DOCK9: variants seen among roughly 807,000 people sequenced by gnomAD.
DOCK9 encodes the protein dedicator of cytokinesis 9, also known as dedicator of cytokinesis protein 9.
Under a neutral mutation model 263.3 loss-of-function variants are expected in DOCK9, and 89 were observed. That is an observed-to-expected ratio of 0.34 (90% CI 0.28 to 0.40). DOCK9 has a LOEUF of 0.40. DOCK9 is among the 10% of genes least tolerant of loss of function. The pLI is 1.00. For synonymous variants in DOCK9, 976 were observed against 973.1 expected (o/e 1.00, Z -0.06); for missense variants, 2,140 against 2,603.4 (o/e 0.82, Z 3.87).
chr13:99,077,312 T>C (rs529193511), intron 1 of DOCK9, among the ~76,000 whole-genome samples: 17 of 152,164 alleles, frequency 1.1e-4, no homozygotes, highest in African/African-American at 2.7e-4. Context: ...GACTGAATCA[T>C]GGGGGCAGAC....
chr13:98,991,383 T>G (rs1879770271), intron 1 of DOCK9, among the ~76,000 whole-genome samples: 1 of 152,092 alleles, frequency 6.6e-6, no homozygotes, highest in Non-Finnish European at 1.5e-5. Flanking sequence ...AACAAGTAAT[T>G]TCAATAACAA....
At chr13:98,922,216 C>A in intron 5 of DOCK9, 70 bp from the exon 6 acceptor site, 1 of 1,181,522 alleles carries the variant, frequency 8.5e-7, no homozygotes, top group South Asian at 1.3e-5. Flanking sequence ...TGAGTTTGGT[C>A]AATGGGAAGG....
At chr13:98,976,905 T>A (rs2060329920) in intron 1 of DOCK9, among the ~76,000 whole-genome samples, 1 of 150,752 alleles carries the variant, frequency 6.6e-6, no homozygotes, top group African/African-American at 2.4e-5. Context: ...AGCAAACACT[T>A]CATGGTAACA....
Position 98,887,901 on chromosome 13 carries a change from T to A in DOCK9, c.2043+257A>T, listed in dbSNP as rs555782619. ...ACTTGGCTCATAGGTGAACAGTAAG[T>A]GTTTGCTGAATTGAGTGTGTATAAG... On this transcript the variant is annotated intron_variant, in intron 18 of 52. Transcript: ENST00000682017. Among the ~76,000 whole-genome samples the A allele has an allele frequency of 2.6e-4, 39 of 152,278 alleles. 1 individual carries two copies. Among genetic ancestry groups the A allele is most frequent in the African/African-American group, 9.4e-4 (39 of 41,566 alleles).
intron 1 of DOCK9, among the ~76,000 whole-genome samples, chr13:98,968,654 C>T (rs569206847): frequency 2.0e-5 from 3 of 152,232 alleles, no homozygotes; most frequent in South Asian, 4.2e-4. Context: ...ATGTATGGCT[C>T]ATGTTATATT....
intron 3 of DOCK9, 87 bp from the exon 4 acceptor site, chr13:98,926,006 ACC>A: frequency 1.8e-6 from 2 of 1,113,470 alleles, no homozygotes; most frequent in Non-Finnish European, 2.5e-6. Context: ...GTGAAGGCAT[ACC>A]CATAGAAACA....
intron 5 of DOCK9, 98 bp downstream of exon 5, chr13:98,923,204 G>T: frequency 8.3e-7 from 1 of 1,201,170 alleles, no homozygotes. Context: ...GCCTGTTTTG[G>T]CTAAATGTCG....
rs1391629952 is a variant in DOCK9 at position 98,888,658 on chromosome 13, A to G, written c.1763T>C (p.Ile588Thr). The G allele has an allele frequency of 4.3e-6, 7 of 1,613,706 alleles. No homozygotes were observed. Among genetic ancestry groups the G allele is most frequent in the Non-Finnish European group, 5.9e-6 (7 of 1,179,734 alleles). ...AGGGAAGTCTGAGGAAACATTATCA[A>G]TTGTAATGTCTAGATTGCCTAAAAT... ...PVILGNLDIT[I>T]DNVSSDFPNY... The change falls in exon 16 of 53, where the codon ATT (isoleucine) becomes ACT (threonine). Residue 588 changes from isoleucine to threonine, a missense_variant. Around this residue, in one of 2 missense-constraint regions of DOCK9, gnomAD observed 1,521 missense variants for 1,741.7 expected, o/e 0.87. Transcript: ENST00000682017.
At chr13:98,932,987 G>A (rs529999780) in intron 2 of DOCK9, among the ~76,000 whole-genome samples, 2 of 152,258 alleles carry the variant, frequency 1.3e-5, no homozygotes, top group East Asian at 3.9e-4. Flanking sequence ...AAGCTACAAA[G>A]CAATATACTG....
At chr13:98,798,252 T>G (rs1446002033) in intron 50 of DOCK9, among the ~76,000 whole-genome samples, 1 of 152,220 alleles carries the variant, frequency 6.6e-6, no homozygotes, top group Non-Finnish European at 1.5e-5. Flanking sequence ...CTGCTTGATA[T>G]TTCCCGGAAG....
intron 1 of DOCK9, among the ~76,000 whole-genome samples, chr13:99,048,210 T>C (rs2040526249): frequency 6.6e-6 from 1 of 152,220 alleles, no homozygotes; most frequent in African/African-American, 2.4e-5. Flanking sequence ...TTTGTTTTGT[T>C]TTGTTTCTGC....
At chr13:98,873,475 T>A (rs1236211848) in intron 27 of DOCK9, among the ~76,000 whole-genome samples, 1 of 152,198 alleles carries the variant, frequency 6.6e-6, no homozygotes, top group African/African-American at 2.4e-5. Context: ...TTTAACTAGG[T>A]TCATGGATAC....
intron 45 of DOCK9, among the ~76,000 whole-genome samples, chr13:98,816,961 T>C (rs1266963237): frequency 6.6e-6 from 1 of 152,034 alleles, no homozygotes; most frequent in Non-Finnish European, 1.5e-5. Flanking sequence ...AAACATAAAT[T>C]AATAATCAAC....
intron 38 of DOCK9, among the ~76,000 whole-genome samples, 155 bp downstream of exon 38, chr13:98,845,769 C>T (rs1403870444): frequency 6.6e-6 from 1 of 152,192 alleles, no homozygotes; most frequent in Non-Finnish European, 1.5e-5. Context: ...GACGCTCCTC[C>T]AAGGAAGGGA....
At chr13:98,858,049 A>G (rs2093751111) in intron 33 of DOCK9, 1 of 152,066 alleles carries the variant, frequency 6.6e-6, no homozygotes, top group South Asian at 2.1e-4. Context: ...CTAAGTTCTC[A>G]GAGTCTCAAG....
chr13:98,796,503 G>A (rs1331001245), intron 52 of DOCK9, among the ~76,000 whole-genome samples: 6 of 152,238 alleles, frequency 3.9e-5, no homozygotes, highest in African/African-American at 1.2e-4. Context: ...CCCTGGGTAT[G>A]GGACACTGTC....
chr13:98,885,549 A>AAC, intron 20 of DOCK9, 159 bp downstream of exon 20: 1 of 802,690 alleles, frequency 1.2e-6, no homozygotes, highest in African/African-American at 1.8e-5. Context: ...AAAAAAAAAA[A>AAC]AAAATTACAT....
At chr13:98,827,731 G>A (rs554688686) in intron 43 of DOCK9, among the ~76,000 whole-genome samples, 1 of 152,334 alleles carries the variant, frequency 6.6e-6, no homozygotes, top group Admixed American at 6.5e-5. Context: ...TGCCTCCCAC[G>A]TGTGTCCCTC....
rs753590906 is a variant in DOCK9, at chr13:98,850,133, T to A, written c.3947-20A>T. On this transcript the variant is annotated intron_variant, in intron 35 of 52. Transcript: ENST00000682017. ...AAGCATCTAGAAAATAAACATTTAC[T>A]TAGAATCACAATACATATGATATAC... 8 of 1,437,650 alleles carry A rather than the reference T, an allele frequency of 5.6e-6. No homozygotes were observed. The East Asian group carries it at 1.9e-4, about 35-fold the overall frequency. 89.1% of individuals were successfully genotyped at this position (1,437,650 alleles called of 1,614,324 possible). A position where few individuals can be genotyped will look rare whatever the true frequency, so the allele number is the denominator to read the frequency against.
Sources: allele counts gnomAD v4.1 joint callset (sites outside exome capture counted in the v4.1 genomes callset), GRCh38; gene constraint gnomAD v4.1.1; regional missense constraint gnomAD v4.1.1; transcripts MANE v1.5; gene names NCBI Gene and HGNC (gene_info 2026-07-23, HGNC 2026-07-21).